Variants in RNF17 observed in about 807,000 individuals in gnomAD.
The protein encoded by RNF17 is ring finger protein 17, also known as spermatogenesis associated 23.
Under a neutral mutation model 200.5 loss-of-function variants are expected in RNF17, and 31 were observed. The observed-to-expected ratio is 0.15, with a 90% CI of 0.12 to 0.21. The LOEUF (loss-of-function observed/expected upper bound fraction) is 0.21. RNF17 is among the 10% of genes least tolerant of loss of function. RNF17 has a pLI of 1.00. For synonymous variants in RNF17, 606 were observed against 637.8 expected (o/e 0.95, Z 0.75); for missense variants, 1,628 against 1,905.1 (o/e 0.85, Z 2.71).
intron 18 of RNF17, among the ~76,000 whole-genome samples, chr13:24,833,740 C>A: frequency 6.6e-6 from 1 of 152,186 alleles, no homozygotes; most frequent in East Asian, 1.9e-4. Context: ...TGTCTTTTCC[C>A]ATTCACCTGC....
chr13:24,828,425 A>G (rs1888992174), intron 16 of RNF17, among the ~76,000 whole-genome samples: 1 of 152,054 alleles, frequency 6.6e-6, no homozygotes, highest in Admixed American at 6.6e-5. Context: ...ATGCTAAAAG[A>G]CACACTCCAC....
At chr13:24,767,586 A>G (rs1021684830) in intron 2 of RNF17, among the ~76,000 whole-genome samples, 1 of 152,010 alleles carries the variant, frequency 6.6e-6, no homozygotes, top group Non-Finnish European at 1.5e-5. Context: ...CGTCTCTACT[A>G]AAAATACAAA....
intron 24 of RNF17, 25 bp from the exon 25 acceptor site, chr13:24,853,830 A>G (rs1175241311): frequency 6.5e-7 from 1 of 1,544,948 alleles, no homozygotes. Flanking sequence ...TTATGTTTAG[A>G]TGTGTTCTTT....
intron 7 of RNF17, 73 bp downstream of exon 7, chr13:24,788,232 C>T (rs1000244077): frequency 1.7e-6 from 2 of 1,202,442 alleles, no homozygotes; most frequent in Non-Finnish European, 2.3e-6. Context: ...ATATTTAAGA[C>T]AAGAATTTGT....
At chr13:24,852,060 G>A (rs1228653680) in intron 24 of RNF17, among the ~76,000 whole-genome samples, 1 of 151,874 alleles carries the variant, frequency 6.6e-6, no homozygotes, top group Non-Finnish European at 1.5e-5. Context: ...TTCTATGTTT[G>A]GAGTTTAAGC....
At chr13:24,791,170 G>C (rs774663743) in intron 9 of RNF17, among the ~76,000 whole-genome samples, 1 of 152,096 alleles carries the variant, frequency 6.6e-6, no homozygotes, top group African/African-American at 2.4e-5. Flanking sequence ...ATTATTTGGC[G>C]TAAGAGGATG....
intron 16 of RNF17, among the ~76,000 whole-genome samples, chr13:24,827,351 T>G (rs941535751): frequency 1.6e-4 from 24 of 152,318 alleles, no homozygotes; most frequent in Admixed American, 9.8e-4. Flanking sequence ...AAACTATTCT[T>G]GCAACCTGAG....
chr13:24,818,991 CT>C (rs1460329219), intron 15 of RNF17, among the ~76,000 whole-genome samples: 1 of 151,776 alleles, frequency 6.6e-6, no homozygotes. Flanking sequence ...TGTTTAGTTG[CT>C]TTTTTCTTTT....
chr13:24,873,978 TTCCGTA>T, intron 32 of RNF17, 130 bp from the exon 33 acceptor site: 3 of 766,932 alleles, frequency 3.9e-6, no homozygotes, highest in Non-Finnish European at 6.2e-6. Context: ...CCTGGGTTGA[TTCCGTA>T]TCTTGGCTAT....
At chr13:24,841,301 T>C (rs1409143510) in intron 18 of RNF17, among the ~76,000 whole-genome samples, 1 of 152,222 alleles carries the variant, frequency 6.6e-6, no homozygotes, top group Non-Finnish European at 1.5e-5. Context: ...GTTTTTGTTG[T>C]TTTAAACTTT....
chr13:24,874,432 A>G (rs1254077330), intron 33 of RNF17, among the ~76,000 whole-genome samples, 183 bp downstream of exon 33: 3 of 138,268 alleles, frequency 2.2e-5, no homozygotes, highest in South Asian at 2.3e-4. Flanking sequence ...TTTTTTTTAG[A>G]TGAGTCTTGC....
intron 2 of RNF17, among the ~76,000 whole-genome samples, chr13:24,768,090 A>G (rs917466572): frequency 1.3e-5 from 2 of 152,174 alleles, no homozygotes; most frequent in Admixed American, 6.5e-5. Context: ...CCATTCTACA[A>G]CAAGGTAGAG....
intron 14 of RNF17, among the ~76,000 whole-genome samples, 168 bp from the exon 15 acceptor site, chr13:24,804,120 G>T (rs1354238485): frequency 6.6e-6 from 1 of 152,120 alleles, no homozygotes; most frequent in Non-Finnish European, 1.5e-5. Context: ...AAATTAGCCA[G>T]GTGTGATGGC....
intron 11 of RNF17, among the ~76,000 whole-genome samples, chr13:24,798,510 A>G (rs1176034357): frequency 6.6e-6 from 1 of 152,178 alleles, no homozygotes; most frequent in Non-Finnish European, 1.5e-5. Flanking sequence ...CTCTCTGTAT[A>G]TAATCAGTGA....
downstream of RNF17, chr13:24,882,693 T>TAATA (rs1000512121): frequency 1.9e-5 from 3 of 158,654 alleles, no homozygotes; most frequent in African/African-American, 7.2e-5. Flanking sequence ...CATTCTGTTA[T>TAATA]AATAATTAAT....
chr13:24,813,162 G>T (rs1036422632), intron 15 of RNF17, among the ~76,000 whole-genome samples: 37 of 151,688 alleles, frequency 2.4e-4, no homozygotes, highest in Admixed American at 6.6e-5. Flanking sequence ...CTTTTTATTT[G>T]TTTTTTATTT....
chr13:24,773,514 A>G (rs1040733779), intron 2 of RNF17, among the ~76,000 whole-genome samples: 1 of 152,196 alleles, frequency 6.6e-6, no homozygotes, highest in African/African-American at 2.4e-5. Context: ...ACACGTGGAC[A>G]TAAACGTGGA....
chr13:24,879,366 G>T, intron 35 of RNF17, 71 bp downstream of exon 35: 1 of 1,001,696 alleles, frequency 1.0e-6, no homozygotes, highest in Non-Finnish European at 1.5e-6. Flanking sequence ...GATCAGAAAA[G>T]CACCCGTGGA....
At chr13:24,834,355 C>T (rs1247566866) in intron 18 of RNF17, among the ~76,000 whole-genome samples, 1 of 152,242 alleles carries the variant, frequency 6.6e-6, no homozygotes, top group South Asian at 2.1e-4. Context: ...GCAGAAGTTG[C>T]AGTGAGCCGA....
Sources: gnomAD v4.1 joint callset for allele counts (sites outside exome capture counted in the v4.1 genomes callset) on GRCh38, gnomAD v4.1.1 for gene constraint, MANE v1.5 for transcripts, NCBI Gene and HGNC (gene_info 2026-07-23, HGNC 2026-07-21) for gene names.